The following ARHGAP42 variants were observed in gnomAD, a reference collection of about 807,000 sequenced individuals.
The protein encoded by ARHGAP42 is rho GTPase-activating protein 42.
ARHGAP42 carries 63 observed loss-of-function variants against 125.0 expected under a neutral mutation model. The ratio of observed to expected loss-of-function variants is 0.50; its 90% CI spans 0.41 to 0.62. The LOEUF is 0.62. Ranked by LOEUF, ARHGAP42 falls within the 20% of genes least tolerant of loss-of-function variation. The pLI is 0.00. For missense variants in ARHGAP42, 766 were observed against 1,024.2 expected (o/e 0.75, Z 3.44); for synonymous variants, 339 against 351.0 (o/e 0.97, Z 0.38).
At chr11:100,795,510 A>G (rs476025) in intron 3 of ARHGAP42, among the ~76,000 whole-genome samples, 133,908 of 152,186 alleles carry the variant, frequency 0.88, 59,302 homozygotes, top group East Asian at 1. Flanking sequence ...TTATAATACA[A>G]ACATGTTTCA....
intron 2 of ARHGAP42, among the ~76,000 whole-genome samples, chr11:100,780,042 A>T (rs1027751142): frequency 1.3e-5 from 2 of 151,890 alleles, no homozygotes; most frequent in Non-Finnish European, 2.9e-5. Context: ...TAAAAAAAAA[A>T]ACAAGTTTTA....
At chr11:100,951,371 G>A (rs1857646769) in intron 12 of ARHGAP42, among the ~76,000 whole-genome samples, 1 of 152,074 alleles carries the variant, frequency 6.6e-6, no homozygotes, top group East Asian at 1.9e-4. Context: ...ACCAAATGGT[G>A]AGAGTTTTGT....
At chr11:100,964,967 A>G (rs1388566770) in intron 16 of ARHGAP42, among the ~76,000 whole-genome samples, 1 of 152,134 alleles carries the variant, frequency 6.6e-6, no homozygotes, top group East Asian at 1.9e-4. Context: ...AATTTATAAG[A>G]AAAAGAGGTT....
chr11:100,780,929 A>G (rs1863296813), intron 2 of ARHGAP42, among the ~76,000 whole-genome samples: 1 of 152,210 alleles, frequency 6.6e-6, no homozygotes, highest in African/African-American at 2.4e-5. Flanking sequence ...GGTTAACATC[A>G]GAGCCTAGAA....
At chr11:100,871,656 C>T (rs1482152890) in intron 4 of ARHGAP42, among the ~76,000 whole-genome samples, 3 of 151,784 alleles carry the variant, frequency 2.0e-5, no homozygotes, top group African/African-American at 4.8e-5. Context: ...ATTCTATGAA[C>T]AAAATGTATT....
chr11:100,809,516 G>A (rs1352264193), intron 3 of ARHGAP42, among the ~76,000 whole-genome samples: 18 of 152,196 alleles, frequency 1.2e-4, no homozygotes, highest in Admixed American at 1.2e-3. Context: ...AGTTGTGTAT[G>A]AAATTTTACA....
chr11:100,836,299 A>G (rs1430627838), intron 3 of ARHGAP42, among the ~76,000 whole-genome samples: 1 of 152,126 alleles, frequency 6.6e-6, no homozygotes, highest in Non-Finnish European at 1.5e-5. Flanking sequence ...GGTAGTGTAA[A>G]GGGGTGGTTT....
At chr11:100,692,866 A>G (rs564260906) in intron 1 of ARHGAP42, among the ~76,000 whole-genome samples, 1 of 152,348 alleles carries the variant, frequency 6.6e-6, no homozygotes, top group Admixed American at 6.5e-5. Context: ...AACACCTTAG[A>G]CAAGATGAGG....
At chr11:100,717,897 C>T (rs912839842) in intron 1 of ARHGAP42, among the ~76,000 whole-genome samples, 1 of 140,798 alleles carries the variant, frequency 7.1e-6, no homozygotes, top group Non-Finnish European at 1.5e-5. Context: ...TGCCTCCAGC[C>T]TGGGCAACAG....
intron 8 of ARHGAP42, among the ~76,000 whole-genome samples, chr11:100,940,249 G>A (rs17095849): frequency 0.04 from 6,049 of 152,188 alleles, 302 homozygotes; most frequent in African/African-American, 0.12. Flanking sequence ...TTTCTCAAGA[G>A]GTACTTTTTT....
At position 100,854,518 on chromosome 11, in the gene ARHGAP42, G is replaced by A. The variant is rs576663058; in HGVS notation, c.313-5036G>A. Among the ~76,000 whole-genome samples the A allele has an allele frequency of 3.3e-5, 5 of 152,088 alleles. No individual in the cohort carries two copies. The East Asian group carries it at 5.8e-4, about 18-fold the overall frequency. On this transcript the variant is annotated intron_variant, in intron 3 of 23. Coordinates refer to ENST00000298815, the MANE Select transcript of ARHGAP42 (RefSeq NM_152432.4). ...AGATGACAATATGTTTTTTTCAGTCGTTTGCTCACATTAAAGTGTATGAAG... is the reference window on the plus strand; with the variant it reads ...AGATGACAATATGTTTTTTTCAGTCATTTGCTCACATTAAAGTGTATGAAG...
chr11:100,782,756 G>C (rs1461671175), intron 2 of ARHGAP42, among the ~76,000 whole-genome samples: 1 of 152,170 alleles, frequency 6.6e-6, no homozygotes, highest in African/African-American at 2.4e-5. Flanking sequence ...GCAGTGGAGA[G>C]AAGAGCTTTG....
At chr11:100,701,866 C>T (rs1208499033) in intron 1 of ARHGAP42, among the ~76,000 whole-genome samples, 2 of 151,988 alleles carry the variant, frequency 1.3e-5, no homozygotes, top group Non-Finnish European at 1.5e-5. Flanking sequence ...AATGGAGTAG[C>T]ACTTTTAATT....
At chr11:100,712,690 A>G (rs1861584799) in intron 1 of ARHGAP42, among the ~76,000 whole-genome samples, 1 of 152,102 alleles carries the variant, frequency 6.6e-6, no homozygotes, top group African/African-American at 2.4e-5. Flanking sequence ...TGTGAGGGTG[A>G]GGGAAGGAGT....
chr11:100,823,858 C>T (rs1357908969), intron 3 of ARHGAP42, among the ~76,000 whole-genome samples: 2 of 152,108 alleles, frequency 1.3e-5, no homozygotes, highest in Non-Finnish European at 2.9e-5. Flanking sequence ...GAAAACAAGG[C>T]ATTGCCTCTA....
chr11:100,847,895 G>T (rs637127), intron 3 of ARHGAP42, among the ~76,000 whole-genome samples: 126,210 of 152,144 alleles, frequency 0.83, 52,744 homozygotes, highest in East Asian at 0.96. Context: ...ATTATTAAGC[G>T]TTCACTTCAC....
intron 3 of ARHGAP42, among the ~76,000 whole-genome samples, chr11:100,846,319 C>G (rs1270636480): frequency 6.6e-6 from 1 of 152,142 alleles, no homozygotes; most frequent in Admixed American, 6.6e-5. Context: ...TTCGTCAGAA[C>G]ACCTCACACT....
intron 1 of ARHGAP42, among the ~76,000 whole-genome samples, chr11:100,750,994 A>G (rs1261682277): frequency 6.8e-6 from 1 of 147,076 alleles, no homozygotes; most frequent in Non-Finnish European, 1.5e-5. Flanking sequence ...GCTGGAGTGC[A>G]ATGGCATGAT....
intron 17 of ARHGAP42, among the ~76,000 whole-genome samples, chr11:100,968,399 C>A (rs1858153712): frequency 6.6e-6 from 1 of 151,974 alleles, no homozygotes; most frequent in South Asian, 2.1e-4. Flanking sequence ...GCTTTCTTGT[C>A]CTAATAGATT....
Sources: gnomAD v4.1 joint callset for allele counts (sites outside exome capture counted in the v4.1 genomes callset) on GRCh38, gnomAD v4.1.1 for gene constraint, MANE v1.5 for transcripts, NCBI Gene and HGNC (gene_info 2026-07-23, HGNC 2026-07-21) for gene names.